Variants in VCAN observed in about 807,000 individuals in gnomAD.
The protein encoded by VCAN is versican, also known as versican core protein.
A neutral mutation model predicts 245.5 loss-of-function variants in VCAN; 44 were observed. The observed-to-expected ratio is 0.18, with a 90% CI of 0.14 to 0.23. The LOEUF (loss-of-function observed/expected upper bound fraction) is 0.23. Among genes scored for constraint, VCAN ranks in the 10% least tolerant of loss-of-function variants. The pLI, the probability that VCAN is intolerant of heterozygous loss-of-function variation, is 1.00. For synonymous variants in VCAN, 1,413 were observed against 1,437.0 expected, an observed-to-expected ratio of 0.98 and a Z score of 0.38; for missense variants, 3,793 against 4,057.9, an observed-to-expected ratio of 0.93 and a Z score of 1.77.
intron 7 of VCAN, among the ~76,000 whole-genome samples, chr5:83,522,737 G>T (rs1281613422): frequency 2.0e-5 from 3 of 152,254 alleles, no homozygotes; most frequent in East Asian, 1.9e-4. Flanking sequence ...TATCCCTAAG[G>T]TTGACAGAAA....
Position 83,538,104 on chromosome 5 carries a change from G to A in VCAN, c.5101G>A (p.Val1701Met). Reference sequence around the variant, plus strand: ...TTCTGAACAACCTTCTGCAAAAGTGGTGCCTACCAAGTTTGTAAGTGAAAC... The same window carrying A: ...TTCTGAACAACCTTCTGCAAAAGTGATGCCTACCAAGTTTGTAAGTGAAAC... ...PVSEQPSAKVVPTKFVSETDT... is the reference protein window; with the variant it reads ...PVSEQPSAKVMPTKFVSETDT... The change falls in exon 8 of 15, where the codon GTG becomes ATG. Residue 1701 changes from valine to methionine, a missense_variant. By Grantham distance (21) the Val-to-Met change is conservative (BLOSUM62 1). This residue lies in a region of VCAN where 3,182 missense variants were observed against 3,250.3 expected (regional missense o/e 0.98). Coordinates refer to ENST00000265077, the MANE Select transcript of VCAN (RefSeq NM_004385.5). The A allele has an allele frequency of 1.9e-6, 3 of 1,614,048 alleles. No individual in the cohort carries two copies. The highest frequency in any genetic ancestry group is 2.5e-6 in the Non-Finnish European group (3 of 1,179,966).
At chr5:83,516,522 G>A (rs950730019) in intron 6 of VCAN, among the ~76,000 whole-genome samples, 1 of 152,230 alleles carries the variant, frequency 6.6e-6, no homozygotes, top group African/African-American at 2.4e-5. Flanking sequence ...CGCAACAGAA[G>A]CAGAGAAGAT....
At chr5:83,562,806 G>A (rs930320479) in intron 12 of VCAN, among the ~76,000 whole-genome samples, 1 of 151,792 alleles carries the variant, frequency 6.6e-6, no homozygotes, top group Non-Finnish European at 1.5e-5. Context: ...AATGCAAGTT[G>A]CTCTCTGGGC....
intron 6 of VCAN, among the ~76,000 whole-genome samples, chr5:83,513,923 A>G (rs913337635): frequency 5.9e-5 from 9 of 152,108 alleles, no homozygotes; most frequent in Non-Finnish European, 1.0e-4. Flanking sequence ...CTTATTTGAT[A>G]TTTTCTTGTG....
chr5:83,485,104 C>T (rs1463223326), intron 2 of VCAN, among the ~76,000 whole-genome samples: 2 of 152,134 alleles, frequency 1.3e-5, no homozygotes, highest in African/African-American at 2.4e-5. Flanking sequence ...CTGAAACATC[C>T]ATTACCCCTG....
intron 2 of VCAN, among the ~76,000 whole-genome samples, chr5:83,489,866 T>A (rs956851633): frequency 6.6e-6 from 1 of 152,048 alleles, no homozygotes; most frequent in Non-Finnish European, 1.5e-5. Context: ...TAAAAAATTT[T>A]AAAATGAATG....
chr5:83,554,276 C>A (rs1211744213), intron 11 of VCAN, among the ~76,000 whole-genome samples: 1 of 152,202 alleles, frequency 6.6e-6, no homozygotes, highest in Non-Finnish European at 1.5e-5. Context: ...GTGCTGGGAT[C>A]ATAGGCGTGA....
chr5:83,484,752 G>T (rs1744737338), intron 2 of VCAN, among the ~76,000 whole-genome samples: 1 of 152,148 alleles, frequency 6.6e-6, no homozygotes, highest in African/African-American at 2.4e-5. Flanking sequence ...AAACAATCCA[G>T]GTACTTTCAA....
intron 12 of VCAN, among the ~76,000 whole-genome samples, chr5:83,562,531 A>T (rs184586556): frequency 6.6e-6 from 1 of 152,270 alleles, no homozygotes; most frequent in Admixed American, 6.5e-5. Context: ...AGAATAAGAA[A>T]AGGAGATTTA....
intron 12 of VCAN, among the ~76,000 whole-genome samples, chr5:83,560,804 C>T (rs16876499): frequency 5.2e-4 from 79 of 152,160 alleles, no homozygotes; most frequent in African/African-American, 1.8e-3. Context: ...AAGATTCTCA[C>T]GAGGCGATTC....
intron 1 of VCAN, among the ~76,000 whole-genome samples, chr5:83,476,880 C>A (rs1395032882): frequency 6.6e-6 from 1 of 152,130 alleles, no homozygotes; most frequent in Non-Finnish European, 1.5e-5. Context: ...ATACTTTCCA[C>A]ATCTGTATAC....
chr5:83,497,145 A>G (rs548705011), intron 5 of VCAN, among the ~76,000 whole-genome samples: 1 of 152,326 alleles, frequency 6.6e-6, no homozygotes, highest in South Asian at 2.1e-4. Flanking sequence ...CAGAAGCCAT[A>G]TATTCCAGAT....
chr5:83,517,837 T>C (rs16900492), intron 6 of VCAN, among the ~76,000 whole-genome samples: 4,815 of 152,288 alleles, frequency 0.032, 284 homozygotes, highest in African/African-American at 0.11. Context: ...CAAATGTTCA[T>C]GATAAAATCA....
chr5:83,510,047 A>AT (rs2112387285), intron 5 of VCAN, among the ~76,000 whole-genome samples: 1 of 152,326 alleles, frequency 6.6e-6, no homozygotes, highest in African/African-American at 2.4e-5. Flanking sequence ...TGCTTTTAAA[A>AT]TTTATTAGGA....
At position 83,506,977 on chromosome 5, in the gene VCAN, T is replaced by C. The variant is rs575809382; in HGVS notation, c.749-5126T>C. Among the ~76,000 whole-genome samples the C allele has an allele frequency of 3.1e-4, 47 of 152,222 alleles. 1 individual carries two copies. The highest frequency in any genetic ancestry group is 1.1e-3 in the African/African-American group (45 of 41,522). On this transcript the variant is annotated intron_variant, in intron 5 of 14. Coordinates refer to ENST00000265077, the MANE Select transcript of VCAN (RefSeq NM_004385.5). ...ACTGGCCCCCATTATTCAAGTACCT[T>C]CCCGTGGGTCCCTTCCACAACACAT... is the stretch of plus-strand genomic sequence containing the variant.
intron 1 of VCAN, among the ~76,000 whole-genome samples, chr5:83,477,475 C>T (rs771488589): frequency 7.2e-5 from 11 of 152,006 alleles, no homozygotes; most frequent in Admixed American, 3.3e-4. Context: ...TACCTGATTT[C>T]TCATCCTAAA....
At chr5:83,503,784 G>T (rs1450738285) in intron 5 of VCAN, among the ~76,000 whole-genome samples, 1 of 152,194 alleles carries the variant, frequency 6.6e-6, no homozygotes, top group Admixed American at 6.5e-5. Context: ...CTGTGATTAA[G>T]TCCTCCTTTC....
At chr5:83,552,637 G>T (rs1450298668) in intron 10 of VCAN, among the ~76,000 whole-genome samples, 1 of 151,166 alleles carries the variant, frequency 6.6e-6, no homozygotes, top group Non-Finnish European at 1.5e-5. Context: ...TGCTTATTGT[G>T]AAACACACAC....
chr5:83,512,633 A>T, intron 6 of VCAN: 1 of 537,528 alleles, frequency 1.9e-6, no homozygotes, highest in Non-Finnish European at 3.3e-6. Context: ...TTAAGCTGTA[A>T]CTGTGCTCTG....
Sources: gnomAD v4.1 joint callset for allele counts (sites outside exome capture counted in the v4.1 genomes callset) on GRCh38, gnomAD v4.1.1 for gene constraint, gnomAD v4.1.1 regional missense constraint, MANE v1.5 for transcripts, NCBI Gene and HGNC (gene_info 2026-07-23, HGNC 2026-07-21) for gene names.